HIVEP3: variants seen among roughly 807,000 people sequenced by gnomAD.
The protein encoded by HIVEP3 is HIVEP zinc finger 3.
HIVEP3 carries 49 observed loss-of-function variants against 152.8 expected under a neutral mutation model. The observed-to-expected ratio is 0.32, with a 90% CI of 0.26 to 0.41. HIVEP3 has a LOEUF of 0.41. Ranked by LOEUF, HIVEP3 falls within the 10% of genes least tolerant of loss-of-function variation. The pLI is 1.00. For synonymous variants in HIVEP3, 1,269 were observed against 1,289.0 expected, an observed-to-expected ratio of 0.98 and a Z score of 0.33; for missense variants, 2,790 against 3,103.3, an observed-to-expected ratio of 0.90 and a Z score of 2.40.
intron 2 of HIVEP3, among the ~76,000 whole-genome samples, chr1:41,673,628 A>T (rs1645910660): frequency 6.6e-6 from 1 of 152,142 alleles, no homozygotes; most frequent in South Asian, 2.1e-4. Context: ...CTTGAACTCT[A>T]AGCATTTTTT....
intron 1 of HIVEP3, among the ~76,000 whole-genome samples, chr1:41,995,793 T>C (rs1008391819): frequency 1.3e-5 from 2 of 152,216 alleles, no homozygotes; most frequent in Non-Finnish European, 2.9e-5. Context: ...GAGTGAGATA[T>C]GCCTATTGTC....
chr1:41,976,050 T>C (rs1343165264), intron 1 of HIVEP3, among the ~76,000 whole-genome samples: 1 of 149,776 alleles, frequency 6.7e-6, no homozygotes, highest in Admixed American at 6.6e-5. Flanking sequence ...TTTCATCCAC[T>C]TGATTGATGT....
At chr1:41,565,527 GACAC>G (rs56139506) in intron 5 of HIVEP3, among the ~76,000 whole-genome samples, 90 of 137,134 alleles carry the variant, frequency 6.6e-4, no homozygotes, top group Non-Finnish European at 9.5e-4. Context: ...AAAACTGAAA[GACAC>G]ACACACACAC....
At chr1:41,546,095 G>GT (rs1279191825) in intron 5 of HIVEP3, among the ~76,000 whole-genome samples, 2 of 152,222 alleles carry the variant, frequency 1.3e-5, no homozygotes, top group Admixed American at 6.5e-5. Context: ...CCTGGAGCAT[G>GT]TAAGTCCTTC....
chr1:41,772,638 G>A (rs1432002852), intron 1 of HIVEP3, among the ~76,000 whole-genome samples: 9 of 152,184 alleles, frequency 5.9e-5, no homozygotes, highest in Admixed American at 2.0e-4. Flanking sequence ...GGCCAGGCAC[G>A]GTGGCTCATG....
intron 1 of HIVEP3, among the ~76,000 whole-genome samples, chr1:41,732,146 A>G (rs1226044618): frequency 6.6e-6 from 1 of 152,152 alleles, no homozygotes; most frequent in Non-Finnish European, 1.5e-5. Flanking sequence ...TGTGGGGAAG[A>G]TGAGGAAGGA....
intron 1 of HIVEP3, among the ~76,000 whole-genome samples, chr1:41,815,446 G>C (rs1305274862): frequency 6.6e-6 from 1 of 152,156 alleles, no homozygotes; most frequent in Non-Finnish European, 1.5e-5. Flanking sequence ...ACTCCAGCCT[G>C]GGTGATAGAG....
At chr1:41,696,188 C>T (rs1478976814) in intron 2 of HIVEP3, among the ~76,000 whole-genome samples, 2 of 152,204 alleles carry the variant, frequency 1.3e-5, no homozygotes, top group African/African-American at 2.4e-5. Context: ...TTCAGATGCC[C>T]CACAGCCTGC....
At position 41,509,817 on chromosome 1, in the gene HIVEP3, T is replaced by C. The variant is rs1278975980; in HGVS notation, c.*634A>G. 4.5e-5 allele frequency: 6 copies of C among 132,352 alleles called. No homozygotes were observed. Among genetic ancestry groups the C allele is most frequent in the African/African-American group, 1.6e-4 (6 of 37,364 alleles). 8.2% of individuals were successfully genotyped at this position (132,352 alleles called of 1,614,324 possible). A position where few individuals can be genotyped will look rare whatever the true frequency, so the allele number is the denominator to read the frequency against. On this transcript the variant is annotated 3_prime_UTR_variant, in exon 9 of 9. Transcript: ENST00000372583. ...TCCTAGGAAAAGTATCATTTTATTT[T>C]CTTGCAAAAAAAAAAAAAAAAAAAA...
At chr1:41,600,425 T>A (rs1644729188) in intron 3 of HIVEP3, among the ~76,000 whole-genome samples, 2 of 152,208 alleles carry the variant, frequency 1.3e-5, no homozygotes, top group African/African-American at 4.8e-5. Flanking sequence ...TGAAACTTGA[T>A]GACATTATGC....
intron 2 of HIVEP3, among the ~76,000 whole-genome samples, chr1:41,631,152 C>T (rs920178360): frequency 3.3e-5 from 5 of 152,296 alleles, no homozygotes; most frequent in South Asian, 2.1e-4. Context: ...ATATCCACGC[C>T]GTGCTCTTTG....
At chr1:41,868,525 A>G (rs1644023432) in intron 1 of HIVEP3, among the ~76,000 whole-genome samples, 1 of 152,164 alleles carries the variant, frequency 6.6e-6, no homozygotes, top group Non-Finnish European at 1.5e-5. Flanking sequence ...CTAGTCTCCA[A>G]TTTTTTGTTT....
chr1:41,607,256 A>T (rs548216182), intron 3 of HIVEP3, among the ~76,000 whole-genome samples: 13 of 152,286 alleles, frequency 8.5e-5, no homozygotes, highest in African/African-American at 3.1e-4. Flanking sequence ...TCTATCCTCC[A>T]TGGGTCTTAA....
At chr1:41,669,116 T>A (rs1645837450) in intron 2 of HIVEP3, among the ~76,000 whole-genome samples, 1 of 152,154 alleles carries the variant, frequency 6.6e-6, no homozygotes, top group South Asian at 2.1e-4. Context: ...TTTCTGCTGA[T>A]CTCTTGCAAC....
chr1:42,025,043 T>G (rs1645574526), intron 1 of HIVEP3, among the ~76,000 whole-genome samples: 1 of 152,246 alleles, frequency 6.6e-6, no homozygotes, highest in African/African-American at 2.4e-5. Context: ...CTTATGAATT[T>G]TTGGCTTAAT....
intron 4 of HIVEP3, among the ~76,000 whole-genome samples, chr1:41,578,012 T>C (rs1301487719): frequency 3.9e-5 from 6 of 152,214 alleles, no homozygotes; most frequent in Admixed American, 3.9e-4. Flanking sequence ...AATTAACACT[T>C]CCTTTCTCTT....
intron 2 of HIVEP3, among the ~76,000 whole-genome samples, chr1:41,698,029 T>C (rs1646303893): frequency 6.6e-6 from 1 of 152,100 alleles, no homozygotes; most frequent in Admixed American, 6.5e-5. Flanking sequence ...TAAAAGAGGA[T>C]GAAAAGAGCA....
chr1:41,572,429 C>CT (rs5773745), intron 5 of HIVEP3, among the ~76,000 whole-genome samples: 150,843 of 152,310 alleles, frequency 0.99, 74,709 homozygotes, highest in East Asian at 1. Flanking sequence ...CTCGCCCACC[C>CT]TCTGGGCCCG....
At chr1:42,035,499 C>T (rs1645636362) in intron 1 of HIVEP3, among the ~76,000 whole-genome samples, 1 of 152,204 alleles carries the variant, frequency 6.6e-6, no homozygotes, top group Non-Finnish European at 1.5e-5. Context: ...GTTGCGGGGA[C>T]AGGTGTGGGG....
Sources: gnomAD v4.1 joint callset for allele counts (sites outside exome capture counted in the v4.1 genomes callset) on GRCh38, gnomAD v4.1.1 for gene constraint, MANE v1.5 for transcripts, NCBI Gene and HGNC (gene_info 2026-07-23, HGNC 2026-07-21) for gene names.